TMEM132D: variants seen among roughly 807,000 people sequenced by gnomAD.
The protein encoded by TMEM132D is mature OL transmembrane protein.
Under a neutral mutation model 62.3 loss-of-function variants are expected in TMEM132D, and 21 were observed. The ratio of observed to expected loss-of-function variants is 0.34; its 90% CI spans 0.24 to 0.49. TMEM132D has a LOEUF of 0.49. Ranked by LOEUF, TMEM132D falls within the 20% of genes least tolerant of loss-of-function variation. The pLI is 0.99. For missense variants in TMEM132D, 1,346 were observed against 1,402.8 expected (o/e 0.96, Z 0.65); for synonymous variants, 621 against 575.6 (o/e 1.08, Z -1.13).
In TMEM132D at chr12:129,867,001, A is replaced by T. The variant is rs569071862; in HGVS notation, c.79+36260T>A. On this transcript the variant is annotated intron_variant, in intron 1 of 8. Transcript: ENST00000422113. The surrounding 1 kb of genome is among the most constrained non-coding windows in gnomAD (Gnocchi z 4.5). The stretch of plus-strand genomic sequence containing the variant: ...AGTGGCTCATGCCTGTAATCCCGGC[A>T]CCTTGCGAAGCTGAGGCAGGCAGAT... Among the ~76,000 whole-genome samples the T allele has an allele frequency of 2.0e-5, 3 of 152,110 alleles. No individual in the cohort carries two copies. The highest frequency in any genetic ancestry group is 4.4e-5 in the Non-Finnish European group (3 of 68,006).
At chr12:129,315,280 T>C (rs1593334083) in intron 4 of TMEM132D, among the ~76,000 whole-genome samples, 1 of 152,226 alleles carries the variant, frequency 6.6e-6, no homozygotes, top group African/African-American at 2.4e-5. Context: ...GGCTGTGAGT[T>C]TGTCATAGAT....
chr12:129,657,680 A>G (rs750175064), intron 2 of TMEM132D, among the ~76,000 whole-genome samples: 5 of 152,210 alleles, frequency 3.3e-5, no homozygotes, highest in Non-Finnish European at 5.9e-5. Context: ...CTCATTTGAA[A>G]AGCACTTGGC....
chr12:129,374,269 C>CACAGAGAGAGAGAG (rs1870713458), intron 3 of TMEM132D, among the ~76,000 whole-genome samples: 1 of 144,266 alleles, frequency 6.9e-6, no homozygotes, highest in Non-Finnish European at 1.5e-5. Context: ...CCTCACACAT[C>CACAGAGAGAGAGAG]AGAGAGAGAG....
rs371736990 is a variant in TMEM132D at position 129,862,162 on chromosome 12, C to T, written c.79+41099G>A. Among the ~76,000 whole-genome samples, 204 of 152,278 alleles carry T rather than the reference C, an allele frequency of 1.3e-3. 1 individual carries two copies. Among genetic ancestry groups the T allele is most frequent in the African/African-American group, 4.7e-3 (194 of 41,564 alleles). The stretch of plus-strand genomic sequence containing the variant: ...ATACTCTTTCTCCTTTGCAATTCCC[C>T]GGTGGTGATAAATCAGGTCTGTCTG... On this transcript the variant is annotated intron_variant, in intron 1 of 8. Transcript: ENST00000422113.
At chr12:129,249,422 A>G (rs1297510617) in intron 4 of TMEM132D, among the ~76,000 whole-genome samples, 1 of 152,192 alleles carries the variant, frequency 6.6e-6, no homozygotes, top group African/African-American at 2.4e-5. Context: ...TTTGCTCACC[A>G]TCGGTCTTGC....
At chr12:129,789,758 A>G (rs753827987) in intron 1 of TMEM132D, among the ~76,000 whole-genome samples, 34 of 152,306 alleles carry the variant, frequency 2.2e-4, no homozygotes, top group Middle Eastern at 3.4e-3. Context: ...CATTGAGAAG[A>G]AACATGATGT....
chr12:129,361,093 G>A (rs184271571), intron 3 of TMEM132D, among the ~76,000 whole-genome samples: 46 of 151,962 alleles, frequency 3.0e-4, no homozygotes, highest in Non-Finnish European at 4.9e-4. Flanking sequence ...TGTCCACTGA[G>A]CAATTAATGG....
intron 5 of TMEM132D, among the ~76,000 whole-genome samples, chr12:129,158,068 T>C (rs1353424046): frequency 6.6e-6 from 1 of 152,136 alleles, no homozygotes; most frequent in Admixed American, 6.5e-5. Context: ...TAGAGAAAGA[T>C]TACCATATGG....
At chr12:129,494,284 T>C (rs571792104) in intron 3 of TMEM132D, among the ~76,000 whole-genome samples, 6 of 152,284 alleles carry the variant, frequency 3.9e-5, no homozygotes, top group Middle Eastern at 6.8e-3. Flanking sequence ...TCTTGTTTGG[T>C]TTATGAGGAA....
At chr12:129,601,528 A>G (rs926521166) in intron 2 of TMEM132D, among the ~76,000 whole-genome samples, 2 of 152,170 alleles carry the variant, frequency 1.3e-5, no homozygotes, top group African/African-American at 4.8e-5. Flanking sequence ...CTTCCTCACT[A>G]AGCTTAATCA....
chr12:129,793,463 C>T (rs1274239335), intron 1 of TMEM132D, among the ~76,000 whole-genome samples: 2 of 152,128 alleles, frequency 1.3e-5, no homozygotes. Flanking sequence ...CCTCAACCTC[C>T]CCAGCTCAAG....
intron 4 of TMEM132D, among the ~76,000 whole-genome samples, chr12:129,317,608 T>C (rs888722981): frequency 6.6e-6 from 1 of 152,230 alleles, no homozygotes; most frequent in Non-Finnish European, 1.5e-5. Context: ...GATAACCTGA[T>C]GACAGTGTGC....
chr12:129,781,235 G>A (rs944798985), intron 1 of TMEM132D, among the ~76,000 whole-genome samples: 1 of 152,056 alleles, frequency 6.6e-6, no homozygotes, highest in African/African-American at 2.4e-5. Context: ...TGTTTAGGTG[G>A]TTCATCTGTC....
At chr12:129,366,360 T>A (rs1242548985) in intron 3 of TMEM132D, among the ~76,000 whole-genome samples, 7 of 152,178 alleles carry the variant, frequency 4.6e-5, no homozygotes, top group Non-Finnish European at 1.5e-5. Flanking sequence ...GAGTGAGTTC[T>A]CACAAGATCT....
At chr12:129,136,736 TACCATCATCACCACCTCC>T (rs1241607653) in intron 5 of TMEM132D, among the ~76,000 whole-genome samples, 1 of 122,682 alleles carries the variant, frequency 8.2e-6, no homozygotes, top group Non-Finnish European at 1.8e-5. Flanking sequence ...CCACCACCAT[TACCATCATCACCACCTCC>T]ACCATCATCA....
chr12:129,299,684 T>C (rs1881663133), intron 4 of TMEM132D, among the ~76,000 whole-genome samples: 1 of 150,036 alleles, frequency 6.7e-6, no homozygotes, highest in African/African-American at 2.5e-5. Context: ...CAATGAAATA[T>C]AATTTTCACT....
At chr12:129,173,288 T>A (rs1877789977) in intron 5 of TMEM132D, among the ~76,000 whole-genome samples, 1 of 152,218 alleles carries the variant, frequency 6.6e-6, no homozygotes, top group South Asian at 2.1e-4. Context: ...GCCTTGGATA[T>A]AAGAAAAGTC....
At chr12:129,858,840 G>A (rs1447183498) in intron 1 of TMEM132D, among the ~76,000 whole-genome samples, 1 of 130,616 alleles carries the variant, frequency 7.7e-6, no homozygotes. Context: ...CCGGGGGAGC[G>A]GGATGGGTGC....
chr12:129,476,092 A>C (rs915036833), intron 3 of TMEM132D, among the ~76,000 whole-genome samples: 3 of 152,182 alleles, frequency 2.0e-5, no homozygotes, highest in Non-Finnish European at 4.4e-5. Context: ...TGTCCTCCAC[A>C]CTGTGGGGGG....
Sources: gnomAD v4.1 joint callset for allele counts (sites outside exome capture counted in the v4.1 genomes callset) on GRCh38, gnomAD v4.1.1 for gene constraint, Gnocchi (gnomAD v3.1) non-coding constraint, MANE v1.5 for transcripts, NCBI Gene and HGNC (gene_info 2026-07-23, HGNC 2026-07-21) for gene names.